Variants in GCSAML observed in about 807,000 individuals in gnomAD.
GCSAML encodes the protein germinal center-associated signaling and motility-like protein.
In GCSAML, 9 loss-of-function variants were observed where a neutral mutation model predicts 13.0. That is an observed-to-expected ratio of 0.69 (90% CI 0.42 to 1.21). The LOEUF (loss-of-function observed/expected upper bound fraction) is 1.21, where lower values mean the gene tolerates loss of function less well. Ranked by LOEUF, GCSAML falls within the 50% of genes most tolerant of loss-of-function variation. GCSAML has a pLI of 0.00. For missense variants in GCSAML, 143 were observed against 153.4 expected (o/e 0.93, Z 0.36); for synonymous variants, 37 against 52.9 (o/e 0.70, Z 1.31).
At chr1:247,550,255 G>A (rs1443733503) in intron 1 of GCSAML, among the ~76,000 whole-genome samples, 1 of 152,130 alleles carries the variant, frequency 6.6e-6, no homozygotes, top group Non-Finnish European at 1.5e-5. Context: ...ACACCTGATG[G>A]TTCATACCGT....
At chr1:247,513,674 A>C (rs1666118805) in intron 1 of GCSAML, among the ~76,000 whole-genome samples, 1 of 152,234 alleles carries the variant, frequency 6.6e-6, no homozygotes, top group Non-Finnish European at 1.5e-5. Context: ...TGCAGGTTGC[A>C]GAGATGGTGG....
At chr1:247,551,150 A>T (rs1305397604) in intron 1 of GCSAML, among the ~76,000 whole-genome samples, 2 of 152,216 alleles carry the variant, frequency 1.3e-5, no homozygotes, top group Non-Finnish European at 2.9e-5. Context: ...AGGCAGAAGC[A>T]CAAACAGCGC....
intron 2 of GCSAML, among the ~76,000 whole-genome samples, chr1:247,533,225 C>T (rs1418674860): frequency 6.6e-6 from 1 of 152,136 alleles, no homozygotes; most frequent in Non-Finnish European, 1.5e-5. Context: ...CTCCTTTGCT[C>T]CCCTTCCAAG....
At chr1:247,538,718 C>T (rs774046041) in intron 2 of GCSAML, 2 of 455,988 alleles carry the variant, frequency 4.4e-6, no homozygotes, top group East Asian at 6.9e-5. Flanking sequence ...CAGATGGCTG[C>T]GAGCTGGAAG....
rs1043116110 is a variant in GCSAML at position 247,512,171 on chromosome 1, G to T, written c.-263+4938G>T. ...TCAAATGTAGGTTTGGTCTTTTTAC[G>T]TAGTCCCATATTTCTTGGAGGCTTT... On this transcript the variant is annotated intron_variant, in intron 1 of 5. Transcript: ENST00000366489. Among the ~76,000 whole-genome samples the T allele has an allele frequency of 5.3e-5, 8 of 151,988 alleles. No homozygotes were observed. In the South Asian group the frequency reaches 1.5e-3, roughly 28 times the overall value.
chr1:247,567,730 C>G (rs1668441910), intron 4 of GCSAML, among the ~76,000 whole-genome samples: 1 of 152,130 alleles, frequency 6.6e-6, no homozygotes, highest in South Asian at 2.1e-4. Context: ...ATTTCTAGTT[C>G]TAGATCCTTG....
At chr1:247,529,718 GT>G (rs57236564) in intron 2 of GCSAML, 67 of 108,284 alleles carry the variant, frequency 6.2e-4, no homozygotes, top group African/African-American at 2.3e-3. Flanking sequence ...CTGTGAAGGT[GT>G]TTTTTTTTTT....
rs558634338 is a variant in GCSAML, at chr1:247,575,339, A to G, written c.*957A>G. On this transcript the variant is annotated 3_prime_UTR_variant, in exon 5 of 5. Transcript: ENST00000366488. ...CAGAATTTGGGTTTTGGTTACCAAT[A>G]AGTCTCCACAAATATATGTCCAAGA... 2 of 152,296 alleles carry G rather than the reference A, an allele frequency of 1.3e-5. No individual in the cohort carries two copies. The highest frequency in any genetic ancestry group is 2.1e-4 in the South Asian group (1 of 4,834). 9.4% of individuals were successfully genotyped at this position (152,296 alleles called of 1,614,324 possible). A position where few individuals can be genotyped will look rare whatever the true frequency, so the allele number is the denominator to read the frequency against.
chr1:247,540,699 G>C (rs1027589628), intron 2 of GCSAML, among the ~76,000 whole-genome samples: 2 of 152,184 alleles, frequency 1.3e-5, no homozygotes, highest in Non-Finnish European at 2.9e-5. Flanking sequence ...AAGAGCAAGT[G>C]GGGGAGGGAG....
At chr1:247,522,916 T>TAA (rs36008669) in intron 1 of GCSAML, among the ~76,000 whole-genome samples, 3 of 132,092 alleles carry the variant, frequency 2.3e-5, no homozygotes, top group African/African-American at 8.5e-5. Flanking sequence ...CAATAAATAC[T>TAA]AAAAAAAAAA....
intron 1 of GCSAML, among the ~76,000 whole-genome samples, chr1:247,513,901 C>T (rs1309713627): frequency 6.6e-6 from 1 of 152,178 alleles, no homozygotes; most frequent in African/African-American, 2.4e-5. Flanking sequence ...ATGCAGAAAT[C>T]ACCAGGCTTC....
At chr1:247,554,598 G>T (rs1255227481) in intron 1 of GCSAML, among the ~76,000 whole-genome samples, 2 of 152,160 alleles carry the variant, frequency 1.3e-5, no homozygotes, top group African/African-American at 4.8e-5. Flanking sequence ...CCTTCAAATA[G>T]TCTTGTGTAG....
intron 4 of GCSAML, among the ~76,000 whole-genome samples, chr1:247,569,858 C>G (rs1668532613): frequency 6.6e-6 from 1 of 152,036 alleles, no homozygotes; most frequent in African/African-American, 2.4e-5. Context: ...GGTTGGTAGG[C>G]TAATTAATTA....
At chr1:247,540,539 A>G (rs1350320019) in intron 2 of GCSAML, among the ~76,000 whole-genome samples, 1 of 152,272 alleles carries the variant, frequency 6.6e-6, no homozygotes, top group African/African-American at 2.4e-5. Context: ...CTGTCAGAAT[A>G]GAAGCTCATG....
chr1:247,528,349 T>C (rs1442851918), intron 2 of GCSAML: 1 of 152,222 alleles, frequency 6.6e-6, no homozygotes, highest in Non-Finnish European at 1.5e-5. Context: ...AATTAACATA[T>C]CCATTACCTC....
chr1:247,549,126 C>A (rs555708831), upstream of GCSAML: 1 of 1,613,984 alleles, frequency 6.2e-7, no homozygotes, highest in South Asian at 1.1e-5. Context: ...CCTCTTGGTG[C>A]TTTGGTCAGA....
chr1:247,567,010 T>C (rs1267919538), intron 4 of GCSAML, among the ~76,000 whole-genome samples: 1 of 151,762 alleles, frequency 6.6e-6, no homozygotes, highest in Non-Finnish European at 1.5e-5. Flanking sequence ...TCTTTTCTCT[T>C]TTATTATTCA....
At chr1:247,573,859 T>C (rs1668727719) in intron 4 of GCSAML, among the ~76,000 whole-genome samples, 1 of 152,214 alleles carries the variant, frequency 6.6e-6, no homozygotes, top group South Asian at 2.1e-4. Context: ...TCCTCTCTTA[T>C]TTCCTTGAGC....
intron 1 of GCSAML, among the ~76,000 whole-genome samples, chr1:247,520,705 A>G (rs959911725): frequency 2.0e-5 from 3 of 152,122 alleles, no homozygotes; most frequent in Non-Finnish European, 2.9e-5. Flanking sequence ...GTAGTTTTCA[A>G]ATTTCTTTTC....
Sources: gnomAD v4.1 joint callset for allele counts (sites outside exome capture counted in the v4.1 genomes callset) on GRCh38, gnomAD v4.1.1 for gene constraint, MANE v1.5 for transcripts, NCBI Gene and HGNC (gene_info 2026-07-23, HGNC 2026-07-21) for gene names.